The following XKR7 variants were observed in gnomAD, a reference collection of about 807,000 sequenced individuals.
The protein encoded by XKR7 is XK-related protein 7.
XKR7 carries 11 observed loss-of-function variants against 42.2 expected under a neutral mutation model. The ratio of observed to expected loss-of-function variants is 0.26; its 90% confidence interval spans 0.16 to 0.43. The LOEUF (loss-of-function observed/expected upper bound fraction) is 0.43. Ranked by LOEUF, XKR7 falls within the 20% of genes least tolerant of loss-of-function variation. The pLI, the probability that XKR7 is intolerant of heterozygous loss-of-function variation, is 1.00. For synonymous variants in XKR7, 346 were observed against 366.4 expected (o/e 0.94, Z 0.64); for missense variants, 710 against 802.2 (o/e 0.89, Z 1.39).
intron 1 of XKR7, among the ~76,000 whole-genome samples, chr20:31,990,096 A>G (rs1444637210): frequency 6.6e-6 from 1 of 152,066 alleles, no homozygotes; most frequent in Non-Finnish European, 1.5e-5. Context: ...GGTGGTGAGG[A>G]GGAGCCAGCG....
rs1243729322 is a variant in XKR7 at position 31,995,453 on chromosome 20, T to C, written c.787+183T>C. Among the ~76,000 whole-genome samples, 1 of 151,774 alleles carries C rather than the reference T, an allele frequency of 6.6e-6. No homozygotes were observed. The highest frequency in any genetic ancestry group is 2.4e-5 in the African/African-American group (1 of 41,266). On this transcript the variant is annotated intron_variant, in intron 2 of 2. Coordinates refer to ENST00000562532, the MANE Select transcript of XKR7 (RefSeq NM_001011718.2). This position sits in a 1 kb window ranked among gnomAD's most constrained non-coding sequence, Gnocchi z 4.1. Reference sequence around the variant, plus strand: ...CTCCAGGCCTCTCGAGACCCCCGCGTCCCCTTCGATGGCCCACTTATACTC... The same window carrying C: ...CTCCAGGCCTCTCGAGACCCCCGCGCCCCCTTCGATGGCCCACTTATACTC...
At chr20:31,980,263 A>T (rs1454099918) in intron 1 of XKR7, among the ~76,000 whole-genome samples, 1 of 152,126 alleles carries the variant, frequency 6.6e-6, no homozygotes, top group Non-Finnish European at 1.5e-5. Context: ...TTCTTTACTG[A>T]CATTTATGAC....
rs1483488897 is a variant in XKR7 at position 32,000,578 on chromosome 20, G to A, written c.*3121G>A. On this transcript the variant is annotated 3_prime_UTR_variant, in exon 3 of 3. Coordinates refer to ENST00000562532, the MANE Select transcript of XKR7 (RefSeq NM_001011718.2). ...AGGATTTCCCTGGGGATGAGAGGTA[G>A]TTGGGTGTGTCTTAATTTTGCCAGG... The A allele has an allele frequency of 6.6e-6, 1 of 152,452 alleles. No individual in the cohort carries two copies. The highest frequency in any genetic ancestry group is 1.5e-5 in the Non-Finnish European group (1 of 68,232). The allele number at this position is 152,452 out of a possible 1,614,324, so 9.4% of individuals were successfully genotyped here. A position where few individuals can be genotyped will look rare whatever the true frequency, so the allele number is the denominator to read the frequency against.
chr20:31,968,464 G>C lies in XKR7; in HGVS notation c.289G>C (p.Val97Leu). 6.2e-7 allele frequency: 1 copy of C among 1,614,018 alleles called. No individual in the cohort carries two copies. Among genetic ancestry groups the C allele is most frequent in the Non-Finnish European group, 8.5e-7 (1 of 1,179,936 alleles). Residue 97 changes from valine to leucine, a missense_variant, in exon 1 of 3, where the codon GTG (valine) becomes CTG (leucine). Transcript: ENST00000562532. The surrounding 1 kb of genome is among the most constrained non-coding windows in gnomAD (Gnocchi z 4.5). The part of the protein sequence containing the change: ...HTYFSLTLLF[V>L]LLPSLVVQLL... ...CTACTTCAGCCTCACCTTGCTGTTC[G>C]TGCTCCTGCCCTCGCTGGTCGTGCA...
At chr20:31,996,451 C>T in intron 2 of XKR7, 54 bp from the exon 3 acceptor site, 1 of 775,992 alleles carries the variant, frequency 1.3e-6, no homozygotes, top group Non-Finnish European at 1.8e-6. Flanking sequence ...CCCCAGACCC[C>T]AACCCGAGCC....
chr20:31,977,412 G>A (rs2064490419), intron 1 of XKR7, among the ~76,000 whole-genome samples: 1 of 152,120 alleles, frequency 6.6e-6, no homozygotes, highest in Non-Finnish European at 1.5e-5. Flanking sequence ...GCAGATCAAG[G>A]AGCCATGACA....
intron 1 of XKR7, among the ~76,000 whole-genome samples, chr20:31,978,734 A>T (rs2064497127): frequency 1.3e-5 from 2 of 152,252 alleles, no homozygotes; most frequent in Non-Finnish European, 2.9e-5. Flanking sequence ...GCAAGCATTG[A>T]ACATGTAGGT....
chr20:31,997,395 C>G lies in XKR7; in HGVS notation c.1678C>G (p.Arg560Gly). Residue 560 changes from arginine to glycine, a missense_variant, in exon 3 of 3, where the codon CGG becomes GGG. Arg to Gly is a moderately radical substitution (Grantham distance 125). Coordinates refer to ENST00000562532, the MANE Select transcript of XKR7 (RefSeq NM_001011718.2). ...ALEYSSPATP[R>G]LQYRSVGTSQ... is the part of the protein sequence containing the mutation. ...GGAGTACTCCTCACCTGCCACGCCC[C>G]GGTTGCAGTACCGGAGTGTGGGGAC... 6.3e-7 allele frequency: 1 copy of G among 1,599,970 alleles called. No homozygotes were observed. The highest frequency in any genetic ancestry group is 8.5e-7 in the Non-Finnish European group (1 of 1,179,884).
At position 31,968,790 on chromosome 20, in the gene XKR7, C is replaced by A; in HGVS notation, c.584+31C>A. On this transcript the variant is annotated intron_variant, in intron 1 of 2. Transcript: ENST00000562532. This position sits in a 1 kb window ranked among gnomAD's most constrained non-coding sequence, Gnocchi z 4.5. ...AGAAGCGCAGGTGGAGGGACCTGAG[C>A]CCGAGGAGTGGGGGTGGCGAAGGGC... The A allele has an allele frequency of 6.8e-7, 1 of 1,462,712 alleles. No individual in the cohort carries two copies. The highest frequency in any genetic ancestry group is 9.0e-7 in the Non-Finnish European group (1 of 1,113,114). 90.6% of individuals were successfully genotyped at this position (1,462,712 alleles called of 1,614,324 possible). A position where few individuals can be genotyped will look rare whatever the true frequency, so the allele number is the denominator to read the frequency against.
rs1019153243 is a variant in XKR7, at chr20:31,995,730, G to A, written c.787+460G>A. 7.2e-5 allele frequency among the ~76,000 whole-genome samples: 11 copies of A among 151,826 alleles called. No individual in the cohort carries two copies. The highest frequency in any genetic ancestry group is 2.4e-4 in the African/African-American group (10 of 41,304). On this transcript the variant is annotated intron_variant, in intron 2 of 2. Transcript: ENST00000562532. The surrounding 1 kb of genome is among the most constrained non-coding windows in gnomAD (Gnocchi z 4.1). ...TTCCAGAGAGCCTACCCCTTCACTG[G>A]GGGGCCCCGGGGGGCCCTCCCAGGC...
chr20:31,984,002 G>T (rs1189123975), intron 1 of XKR7, among the ~76,000 whole-genome samples: 1 of 150,726 alleles, frequency 6.6e-6, no homozygotes, highest in Non-Finnish European at 1.5e-5. Context: ...CAGGCACAGT[G>T]GTTCACTCCC....
chr20:31,996,373 G>T, intron 2 of XKR7, 132 bp from the exon 3 acceptor site: 1 of 632,342 alleles, frequency 1.6e-6, no homozygotes, highest in African/African-American at 1.8e-5. Flanking sequence ...CCACACCCCT[G>T]CTGATCCACA....
intron 1 of XKR7, among the ~76,000 whole-genome samples, chr20:31,973,959 C>T (rs1277646109): frequency 6.6e-6 from 1 of 152,050 alleles, no homozygotes; most frequent in Non-Finnish European, 1.5e-5. Flanking sequence ...CTTTGGGAGG[C>T]CGAGGCAGGC....
rs2064609740 is a variant in XKR7 at position 31,998,830 on chromosome 20, C to G, written c.*1373C>G. 6.6e-6 allele frequency: 1 copy of G among 152,202 alleles called. No homozygotes were observed. Among genetic ancestry groups the G allele is most frequent in the Admixed American group, 6.5e-5 (1 of 15,288 alleles). 9.4% of individuals were successfully genotyped at this position (152,202 alleles called of 1,614,324 possible). ...CATCTGGGAAACTGACTTGTTTTGC[C>G]TTAGATCTGATGACTCCCCAGGACC... On this transcript the variant is annotated 3_prime_UTR_variant, in exon 3 of 3. Coordinates refer to ENST00000562532, the MANE Select transcript of XKR7 (RefSeq NM_001011718.2).
At chr20:31,987,724 C>A (rs2064549502) in intron 1 of XKR7, among the ~76,000 whole-genome samples, 1 of 152,218 alleles carries the variant, frequency 6.6e-6, no homozygotes, top group African/African-American at 2.4e-5. Context: ...GACAGAAAAG[C>A]AGACCTCGTA....
chr20:31,968,905 C>A lies in XKR7; in HGVS notation c.584+146C>A, dbSNP rs1568876041. 1.5e-6 allele frequency: 2 copies of A among 1,324,440 alleles called. No homozygotes were observed. Among genetic ancestry groups the A allele is most frequent in the East Asian group, 2.7e-5 (1 of 37,162 alleles). 82.0% of individuals were successfully genotyped at this position (1,324,440 alleles called of 1,614,324 possible). On this transcript the variant is annotated intron_variant, in intron 1 of 2. Coordinates refer to ENST00000562532, the MANE Select transcript of XKR7 (RefSeq NM_001011718.2). The surrounding 1 kb of genome is among the most constrained non-coding windows in gnomAD (Gnocchi z 4.5). ...CCCCACCCCATTGCAGCTCTAATTTCTTCTCAGTCGGCTTCTCCCTGACCT... is the reference window on the plus strand; with the variant it reads ...CCCCACCCCATTGCAGCTCTAATTTATTCTCAGTCGGCTTCTCCCTGACCT...
intron 1 of XKR7, among the ~76,000 whole-genome samples, chr20:31,991,185 G>A (rs972061015): frequency 4.6e-5 from 7 of 152,200 alleles, no homozygotes; most frequent in East Asian, 1.9e-4. Flanking sequence ...ACCCGGGCCC[G>A]GAAACAGATG....
intron 1 of XKR7, among the ~76,000 whole-genome samples, chr20:31,976,960 C>A (rs1252262650): frequency 6.6e-6 from 1 of 152,218 alleles, no homozygotes; most frequent in East Asian, 1.9e-4. Context: ...TTGCACCCAG[C>A]CAGCTCTAGT....
intron 1 of XKR7, among the ~76,000 whole-genome samples, chr20:31,969,680 TC>T (rs1395727398): frequency 6.6e-6 from 1 of 152,222 alleles, no homozygotes. Flanking sequence ...CTTCCAAGCC[TC>T]AGTTTCCTCT....
Sources: gnomAD v4.1 joint callset for allele counts (sites outside exome capture counted in the v4.1 genomes callset) on GRCh38, gnomAD v4.1.1 for gene constraint, Gnocchi (gnomAD v3.1) non-coding constraint, MANE v1.5 for transcripts, NCBI Gene and HGNC (gene_info 2026-07-23, HGNC 2026-07-21) for gene names.